Variants in LIPI observed in about 807,000 individuals in gnomAD.
The protein encoded by LIPI is lipase I, also known as lipase member I.
A neutral mutation model predicts 50.6 loss-of-function variants in LIPI; 59 were observed. The ratio of observed to expected loss-of-function variants is 1.16; its 90% CI spans 0.94 to 1.45. The LOEUF (loss-of-function observed/expected upper bound fraction) is 1.45, where lower values mean the gene tolerates loss of function less well. Among genes scored for constraint, LIPI ranks in the 40% most tolerant of loss-of-function variants. LIPI has a pLI of 0.00. For synonymous variants in LIPI, 203 were observed against 178.2 expected, an observed-to-expected ratio of 1.14 and a Z score of -1.11; for missense variants, 586 against 536.3, an observed-to-expected ratio of 1.09 and a Z score of -0.92.
rs946122106 is a variant in LIPI at position 14,181,924 on chromosome 21, C to T, written c.542-65G>A. 6.1e-6 allele frequency: 5 copies of T among 814,492 alleles called. No individual in the cohort carries two copies. The South Asian group carries it at 6.9e-5, about 11-fold the overall frequency. 50.5% of individuals were successfully genotyped at this position (814,492 alleles called of 1,614,324 possible). On this transcript the variant is annotated intron_variant, in intron 3 of 9. Coordinates refer to ENST00000681601, the MANE Select transcript of LIPI (RefSeq NM_001302998.2). ...ACAGAGCTCCTTACATTGCATACTTCCATTATTACTGCATTATAAACATAA... is the reference window on the plus strand; with the variant it reads ...ACAGAGCTCCTTACATTGCATACTTTCATTATTACTGCATTATAAACATAA...
intron 8 of LIPI, among the ~76,000 whole-genome samples, chr21:14,149,191 G>A (rs2123080976): frequency 6.6e-6 from 1 of 152,234 alleles, no homozygotes; most frequent in Non-Finnish European, 1.5e-5. Flanking sequence ...ATGGCAGAAG[G>A]GAAAGCAACA....
chr21:14,138,008 GA>G (rs1484368863), intron 9 of LIPI, among the ~76,000 whole-genome samples: 24 of 152,076 alleles, frequency 1.6e-4, no homozygotes, highest in Admixed American at 1.2e-3. Flanking sequence ...TATATCCAGG[GA>G]AAGTATTTTT....
At chr21:14,161,917 T>G (rs1451945663) in intron 7 of LIPI, among the ~76,000 whole-genome samples, 1 of 137,572 alleles carries the variant, frequency 7.3e-6, no homozygotes, top group African/African-American at 2.7e-5. Flanking sequence ...AACATATAGA[T>G]ATATGTATTT....
rs1365939253 is a variant in LIPI at position 14,152,660 on chromosome 21, A to C, written c.1031T>G (p.Ile344Ser). Residue 344 changes from isoleucine to serine, a missense_variant, in exon 8 of 10, where the codon ATT becomes AGT. Coordinates refer to ENST00000681601, the MANE Select transcript of LIPI (RefSeq NM_001302998.2). The part of the protein sequence containing the change: ...FCTYYFVLSI[I>S]VPDKTMMDGS... ...ATCCATCATAGTTTTATCTGGAACA[A>C]TTATACTGAGAACAAAATAATAGGC... The C allele has an allele frequency of 4.0e-6, 6 of 1,515,170 alleles. No homozygotes were observed. The African/African-American group carries it at 8.2e-5, about 21-fold the overall frequency. The allele number at this position is 1,515,170 out of a possible 1,614,324, so 93.9% of individuals were successfully genotyped here.
At chr21:14,152,734 G>T in intron 7 of LIPI, 50 bp from the exon 8 acceptor site, 1 of 924,572 alleles carries the variant, frequency 1.1e-6, no homozygotes, top group Non-Finnish European at 1.7e-6. Flanking sequence ...TTAATTTTTG[G>T]TTTTGGTACA....
At chr21:14,146,770 C>CTTT (rs1308738575) in intron 8 of LIPI, among the ~76,000 whole-genome samples, 3 of 64,870 alleles carry the variant, frequency 4.6e-5, no homozygotes, top group East Asian at 3.3e-4. Context: ...TTCCCAGTCT[C>CTTT]TATTTTTTTT....
chr21:14,165,937 G>A (rs1456223301), intron 5 of LIPI, among the ~76,000 whole-genome samples: 1 of 152,122 alleles, frequency 6.6e-6, no homozygotes, highest in East Asian at 1.9e-4. Flanking sequence ...TCCACACCTG[G>A]GGAAGTTGCT....
chr21:14,142,720 G>A (rs930328309), intron 9 of LIPI, among the ~76,000 whole-genome samples: 3 of 151,668 alleles, frequency 2.0e-5, no homozygotes, highest in Admixed American at 1.3e-4. Context: ...TTGGCCTCTA[G>A]TGATCCTCCC....
intron 9 of LIPI, among the ~76,000 whole-genome samples, chr21:14,136,606 A>G (rs1355679505): frequency 6.6e-6 from 1 of 152,128 alleles, no homozygotes; most frequent in Non-Finnish European, 1.5e-5. Flanking sequence ...TGACCCCTGG[A>G]TAGTACTTCT....
At chr21:14,170,136 C>A (rs945466752) in intron 4 of LIPI, among the ~76,000 whole-genome samples, 1 of 152,158 alleles carries the variant, frequency 6.6e-6, no homozygotes, top group Non-Finnish European at 1.5e-5. Context: ...AATTCCTCAA[C>A]ACATACACCC....
rs575408984 is a variant in LIPI at position 14,153,524 on chromosome 21, A to T, written c.1007-840T>A. On this transcript the variant is annotated intron_variant, in intron 7 of 9. Coordinates refer to ENST00000681601, the MANE Select transcript of LIPI (RefSeq NM_001302998.2). ...TAAGCCACCCTCCCACTATAAATAC[A>T]TGGAAATGCTAGGTGTACAATCCAT... is the stretch of plus-strand genomic sequence containing the variant. Among the ~76,000 whole-genome samples, 7 of 152,322 alleles carry T rather than the reference A, an allele frequency of 4.6e-5. No individual in the cohort carries two copies. The South Asian group carries it at 1.4e-3, about 32-fold the overall frequency.
At chr21:14,200,395 A>G (rs993260632) in intron 1 of LIPI, among the ~76,000 whole-genome samples, 6 of 152,074 alleles carry the variant, frequency 3.9e-5, no homozygotes, top group Admixed American at 3.9e-4. Flanking sequence ...ATAAAGAAGA[A>G]CTTCAGCAAA....
rs776637904 is a variant in LIPI at position 14,165,245 on chromosome 21, C to T, written c.879G>A (p.Lys293=). The stretch of plus-strand genomic sequence containing the variant: ...TACCCAGCCGAGGACATGATTTTTC[C>T]TTAAAACAGTCACAGTCCACACATA... ...TSLCVDCDCF[K]EKSCPRLGYQ... Residue 293 remains lysine, a synonymous_variant, in exon 6 of 10, where the codon AAG becomes AAA. Coordinates refer to ENST00000681601, the MANE Select transcript of LIPI (RefSeq NM_001302998.2). 3 of 1,611,828 alleles carry T rather than the reference C, an allele frequency of 1.9e-6. No individual in the cohort carries two copies. The highest frequency in any genetic ancestry group is 2.2e-5 in the East Asian group (1 of 44,762).
chr21:14,126,700 T>C (rs1194128241), intron 9 of LIPI, among the ~76,000 whole-genome samples: 1 of 152,214 alleles, frequency 6.6e-6, no homozygotes, highest in East Asian at 1.9e-4. Context: ...TATATGTAAA[T>C]AGTACATACT....
At chr21:14,135,259 G>A (rs902554492) in intron 9 of LIPI, among the ~76,000 whole-genome samples, 5 of 152,180 alleles carry the variant, frequency 3.3e-5, no homozygotes, top group Non-Finnish European at 5.9e-5. Context: ...GGGCAAGATG[G>A]TGGAATAGAA....
chr21:14,126,373 G>T (rs1466120773), intron 9 of LIPI, among the ~76,000 whole-genome samples: 2 of 152,148 alleles, frequency 1.3e-5, no homozygotes, highest in Non-Finnish European at 2.9e-5. Flanking sequence ...ATAATAACAT[G>T]CCATTGACAT....
At chr21:14,167,982 A>C (rs1327062237) in intron 4 of LIPI, among the ~76,000 whole-genome samples, 2 of 152,322 alleles carry the variant, frequency 1.3e-5, no homozygotes, top group Middle Eastern at 6.8e-3. Context: ...ATTTAGACGA[A>C]TGTATAACTA....
At chr21:14,190,141 T>C (rs1035267559) in intron 1 of LIPI, among the ~76,000 whole-genome samples, 2 of 152,132 alleles carry the variant, frequency 1.3e-5, no homozygotes, top group Admixed American at 6.5e-5. Context: ...GTGCATTCTA[T>C]AACTATTAAC....
intron 9 of LIPI, 38 bp from the exon 10 acceptor site, chr21:14,109,118 T>G: frequency 6.6e-7 from 1 of 1,513,158 alleles, no homozygotes; most frequent in South Asian, 1.1e-5. Context: ...AAAAAATAAC[T>G]ATTAGTAAAA....
Sources: allele counts gnomAD v4.1 joint callset (sites outside exome capture counted in the v4.1 genomes callset), GRCh38; gene constraint gnomAD v4.1.1; transcripts MANE v1.5; gene names NCBI Gene and HGNC (gene_info 2026-07-23, HGNC 2026-07-21).